Variants in PDZRN4 observed in about 807,000 individuals in gnomAD.
PDZRN4 encodes PDZ domain-containing RING finger protein 4.
Under a neutral mutation model 99.0 loss-of-function variants are expected in PDZRN4, and 70 were observed. The observed-to-expected ratio is 0.71, with a 90% confidence interval of 0.58 to 0.86. The LOEUF (loss-of-function observed/expected upper bound fraction) is 0.86. Ranked by LOEUF, PDZRN4 falls within the 40% of genes least tolerant of loss-of-function variation. The pLI is 0.00. For missense variants in PDZRN4, 1,474 were observed against 1,331.2 expected (o/e 1.11, Z -1.67); for synonymous variants, 551 against 501.6 (o/e 1.10, Z -1.32).
intron 3 of PDZRN4, among the ~76,000 whole-genome samples, chr12:41,428,101 C>T (rs1323350940): frequency 6.6e-6 from 1 of 151,990 alleles, no homozygotes; most frequent in Non-Finnish European, 1.5e-5. Context: ...AAAACAACAA[C>T]AAAAACAAAA....
intron 3 of PDZRN4, among the ~76,000 whole-genome samples, chr12:41,324,303 A>G (rs1264905273): frequency 1.3e-5 from 2 of 152,086 alleles, no homozygotes; most frequent in Non-Finnish European, 2.9e-5. Context: ...AGGTAAAACA[A>G]GTGTTTGAAG....
At chr12:41,507,428 TGA>T (rs946794711) in intron 4 of PDZRN4, among the ~76,000 whole-genome samples, 3 of 152,132 alleles carry the variant, frequency 2.0e-5, no homozygotes, top group South Asian at 2.1e-4. Context: ...ATTCAAACAT[TGA>T]GAGTTTGTAA....
In PDZRN4 at chr12:41,273,923, G is replaced by A. The variant is rs578087425; in HGVS notation, c.843+79735G>A. 3.3e-5 allele frequency among the ~76,000 whole-genome samples: 5 copies of A among 152,054 alleles called. No individual in the cohort carries two copies. The South Asian group carries it at 1.0e-3, about 32-fold the overall frequency. Reference sequence around the variant, plus strand: ...ATTATCATTTATCATTTTTCTTAATGCATCAAGATCTAAAGTCCTTGAATG... The same window carrying A: ...ATTATCATTTATCATTTTTCTTAATACATCAAGATCTAAAGTCCTTGAATG... On this transcript the variant is annotated intron_variant, in intron 3 of 9. Transcript: ENST00000402685.
chr12:41,198,245 G>A (rs979446100), intron 3 of PDZRN4, among the ~76,000 whole-genome samples: 1 of 151,940 alleles, frequency 6.6e-6, no homozygotes, highest in Non-Finnish European at 1.5e-5. Flanking sequence ...GATACTGATA[G>A]CAGGCAATGC....
At chr12:41,389,609 C>T (rs1952195054) in intron 3 of PDZRN4, among the ~76,000 whole-genome samples, 1 of 152,092 alleles carries the variant, frequency 6.6e-6, no homozygotes, top group Non-Finnish European at 1.5e-5. Flanking sequence ...TCTGTCACTC[C>T]CTCAGCAATG....
At chr12:41,395,168 T>C (rs1303161745) in intron 3 of PDZRN4, among the ~76,000 whole-genome samples, 1 of 152,194 alleles carries the variant, frequency 6.6e-6, no homozygotes, top group Non-Finnish European at 1.5e-5. Flanking sequence ...TAGGTGTGGA[T>C]GAGTCTCTTC....
intron 3 of PDZRN4, among the ~76,000 whole-genome samples, chr12:41,426,015 C>T (rs1179146761): frequency 6.6e-6 from 1 of 152,148 alleles, no homozygotes; most frequent in Non-Finnish European, 1.5e-5. Context: ...TGATAAAGCA[C>T]TTAGGGCATT....
intron 3 of PDZRN4, among the ~76,000 whole-genome samples, chr12:41,341,136 A>G (rs1951813403): frequency 6.7e-6 from 1 of 149,218 alleles, no homozygotes; most frequent in African/African-American, 2.5e-5. Context: ...CAGAGAAAGC[A>G]TTTGACAACG....
intron 3 of PDZRN4, among the ~76,000 whole-genome samples, chr12:41,486,253 T>G (rs1937771306): frequency 6.6e-6 from 1 of 152,174 alleles, no homozygotes; most frequent in African/African-American, 2.4e-5. Flanking sequence ...TTTTGTTAAA[T>G]CCAATGTTTG....
At chr12:41,231,806 T>C (rs1249594520) in intron 3 of PDZRN4, among the ~76,000 whole-genome samples, 2 of 152,046 alleles carry the variant, frequency 1.3e-5, no homozygotes, top group South Asian at 2.1e-4. Context: ...TTGTGGTCAG[T>C]TCTAGTACCA....
rs188060655 is a variant in PDZRN4, at chr12:41,289,913, A to T, written c.843+95725A>T. 1.9e-4 allele frequency among the ~76,000 whole-genome samples: 29 copies of T among 152,328 alleles called. No homozygotes were observed. In the East Asian group the frequency reaches 5.6e-3, roughly 29 times the overall value. ...GCTTTGTGAGTGTACCCTAAAGAAGAAAGTGGAATTCTGACTGCATAGTGG... is the reference window on the plus strand; with the variant it reads ...GCTTTGTGAGTGTACCCTAAAGAAGTAAGTGGAATTCTGACTGCATAGTGG... On this transcript the variant is annotated intron_variant, in intron 3 of 9. Coordinates refer to ENST00000402685, the MANE Select transcript of PDZRN4 (RefSeq NM_001164595.2).
intron 3 of PDZRN4, among the ~76,000 whole-genome samples, chr12:41,439,708 T>C (rs998507945): frequency 4.6e-5 from 7 of 152,188 alleles, no homozygotes; most frequent in Admixed American, 2.6e-4. Context: ...TGCCTCTACC[T>C]GTACTCCTCC....
intron 3 of PDZRN4, among the ~76,000 whole-genome samples, chr12:41,300,422 C>T (rs1000413122): frequency 4.6e-5 from 7 of 151,870 alleles, no homozygotes; most frequent in African/African-American, 1.2e-4. Context: ...ACTAAAATAA[C>T]TCTTAATTAT....
At chr12:41,254,880 G>A (rs1157856088) in intron 3 of PDZRN4, among the ~76,000 whole-genome samples, 3 of 152,074 alleles carry the variant, frequency 2.0e-5, no homozygotes, top group African/African-American at 7.2e-5. Flanking sequence ...AAGGCCAAGA[G>A]TTCTAGACTA....
intron 3 of PDZRN4, among the ~76,000 whole-genome samples, chr12:41,312,845 C>G (rs192612844): frequency 6.6e-6 from 1 of 152,198 alleles, no homozygotes; most frequent in East Asian, 1.9e-4. Context: ...TCTTCTTTCT[C>G]TATATTCTGT....
At position 41,506,704 on chromosome 12, in the gene PDZRN4, C is replaced by T; in HGVS notation, c.1092C>T (p.Leu364=). 6.2e-7 allele frequency: 1 copy of T among 1,606,122 alleles called. No individual in the cohort carries two copies. Among genetic ancestry groups the T allele is most frequent in the Non-Finnish European group, 8.5e-7 (1 of 1,175,622 alleles). ...PPVPDICPFL[L]SDSCHSLHPM... The stretch of plus-strand genomic sequence containing the variant: ...TGCCAGACATCTGTCCATTCCTGCT[C>T]TCAGACAGGTATTTTTCTATCATTT... Residue 364 remains leucine (L), a synonymous_variant, in exon 4 of 10, where the codon CTC becomes CTT. Transcript: ENST00000402685.
At chr12:41,553,858 C>T (rs912383326) in intron 6 of PDZRN4, among the ~76,000 whole-genome samples, 2 of 114,040 alleles carry the variant, frequency 1.8e-5, no homozygotes, top group Non-Finnish European at 1.8e-5. Context: ...GTTTTCTTGG[C>T]CATAATCTTG....
intron 3 of PDZRN4, among the ~76,000 whole-genome samples, chr12:41,493,439 ATGT>A (rs1377158083): frequency 6.6e-6 from 1 of 152,180 alleles, no homozygotes; most frequent in Non-Finnish European, 1.5e-5. Context: ...GTATAGAAAA[ATGT>A]TGTGGCAATT....
chr12:41,222,288 T>C (rs1482546690), intron 3 of PDZRN4, among the ~76,000 whole-genome samples: 4 of 152,182 alleles, frequency 2.6e-5, no homozygotes, highest in Non-Finnish European at 5.9e-5. Flanking sequence ...AAAAAAATGT[T>C]TGTGCACATT....
Sources: gnomAD v4.1 joint callset for allele counts (sites outside exome capture counted in the v4.1 genomes callset) on GRCh38, gnomAD v4.1.1 for gene constraint, MANE v1.5 for transcripts, NCBI Gene and HGNC (gene_info 2026-07-23, HGNC 2026-07-21) for gene names.